Variants in LMO7 observed in about 807,000 individuals in gnomAD.
LMO7 encodes LIM domain 7, also known as LIM domain only protein 7.
LMO7 carries 120 observed loss-of-function variants against 206.5 expected under a neutral mutation model. That is an observed-to-expected ratio of 0.58 (90% CI 0.50 to 0.68). LMO7 has a LOEUF of 0.68. Among genes scored for constraint, LMO7 ranks in the 30% least tolerant of loss-of-function variants. LMO7 has a pLI of 0.00. For missense variants in LMO7, 1,959 were observed against 1,957.9 expected, an observed-to-expected ratio of 1.00 and a Z score of -0.01; for synonymous variants, 706 against 681.5, an observed-to-expected ratio of 1.04 and a Z score of -0.56.
intron 3 of LMO7, among the ~76,000 whole-genome samples, chr13:75,736,628 C>T (rs1021050761): frequency 5.9e-5 from 9 of 152,142 alleles, no homozygotes; most frequent in Admixed American, 2.0e-4. Context: ...GAAGGAGGGA[C>T]GACAAGGCAA....
At chr13:75,840,827 C>T (rs2059503069) in intron 22 of LMO7, among the ~76,000 whole-genome samples, 2 of 152,170 alleles carry the variant, frequency 1.3e-5, no homozygotes, top group South Asian at 2.1e-4. Context: ...ATTCAGCCCC[C>T]GCTTACAGTT....
intron 1 of LMO7, among the ~76,000 whole-genome samples, chr13:75,654,253 C>T (rs1339932683): frequency 6.6e-6 from 1 of 152,018 alleles, no homozygotes; most frequent in East Asian, 1.9e-4. Context: ...CCTGAATGGC[C>T]AAAAAGGTTT....
At chr13:75,669,830 A>G (rs2039395712) in intron 1 of LMO7, among the ~76,000 whole-genome samples, 1 of 151,714 alleles carries the variant, frequency 6.6e-6, no homozygotes, top group South Asian at 2.1e-4. Flanking sequence ...TTTTATTGTT[A>G]CTCTGCACAT....
intron 1 of LMO7, among the ~76,000 whole-genome samples, chr13:75,663,920 T>C (rs2038869035): frequency 6.6e-6 from 1 of 152,198 alleles, no homozygotes; most frequent in Non-Finnish European, 1.5e-5. Flanking sequence ...ATGTAATGTG[T>C]AATAATCACA....
At chr13:75,682,081 C>T (rs1250011237) in intron 1 of LMO7, among the ~76,000 whole-genome samples, 1 of 152,076 alleles carries the variant, frequency 6.6e-6, no homozygotes, top group Non-Finnish European at 1.5e-5. Context: ...ACATTGGCCA[C>T]AATGTTCTGC....
intron 3 of LMO7, among the ~76,000 whole-genome samples, chr13:75,748,904 G>A (rs1240991422): frequency 6.6e-6 from 1 of 150,612 alleles, no homozygotes; most frequent in Non-Finnish European, 1.5e-5. Flanking sequence ...TCCTCCTCCT[G>A]GGCTCCCAGT....
chr13:75,781,096 C>CTTTTTTTTTTTTTTTTTTTTTTT (rs367937964), intron 4 of LMO7, among the ~76,000 whole-genome samples: 10 of 41,926 alleles, frequency 2.4e-4, no homozygotes, highest in East Asian at 1.0e-3. Context: ...CTCTATTTTC[C>CTTTTTTTTTTTTTTTTTTTTTTT]TTTTTTTTTT....
intron 1 of LMO7, among the ~76,000 whole-genome samples, chr13:75,700,938 C>T (rs1566324947): frequency 6.6e-6 from 1 of 152,224 alleles, no homozygotes; most frequent in Non-Finnish European, 1.5e-5. Context: ...ACCATGGAAG[C>T]AGACCACTGT....
intron 27 of LMO7, among the ~76,000 whole-genome samples, chr13:75,850,414 A>G (rs1028497309): frequency 2.6e-5 from 4 of 152,208 alleles, no homozygotes; most frequent in African/African-American, 7.2e-5. Context: ...ATATATTTGG[A>G]TAAATATGCA....
chr13:75,659,982 G>C (rs544185744), intron 1 of LMO7, among the ~76,000 whole-genome samples: 6 of 152,216 alleles, frequency 3.9e-5, no homozygotes, highest in Admixed American at 3.9e-4. Flanking sequence ...TATTTCAGGG[G>C]AGTACAGATC....
chr13:75,805,729 A>G lies in LMO7; in HGVS notation c.1165A>G (p.Lys389Glu). ...NWKRIKRETY[K>E]PWYKEFQGFS... ...GAAAAGAATAAAAAGGGAAACTTAT[A>G]AGCCATGGTATAAAGAATTTCAGGG... Residue 389 changes from lysine to glutamate, a missense_variant, in exon 9 of 31, where the codon AAG (lysine) becomes GAG (glutamate). Coordinates refer to ENST00000377534, the MANE Select transcript of LMO7 (RefSeq NM_001306080.2). 1 of 1,613,972 alleles carries G rather than the reference A, an allele frequency of 6.2e-7. No homozygotes were observed.
At chr13:75,769,154 G>C (rs7329485) in intron 4 of LMO7, among the ~76,000 whole-genome samples, 1 of 151,994 alleles carries the variant, frequency 6.6e-6, no homozygotes, top group African/African-American at 2.4e-5. Flanking sequence ...ATGTTAAATA[G>C]AGTAGGCATG....
At chr13:75,834,544 C>A (rs1027313763) in intron 17 of LMO7, among the ~76,000 whole-genome samples, 157 bp downstream of exon 17, 2 of 148,956 alleles carry the variant, frequency 1.3e-5, no homozygotes, top group African/African-American at 4.8e-5. Context: ...TGAACCCTAC[C>A]CCTTTGAATA....
chr13:75,789,981 G>A (rs2053033268), intron 4 of LMO7, among the ~76,000 whole-genome samples: 1 of 152,104 alleles, frequency 6.6e-6, no homozygotes, highest in African/African-American at 2.4e-5. Flanking sequence ...GGATGTGTGG[G>A]GAGGGCTGGC....
At chr13:75,847,961 C>CTATT (rs78574463) in intron 26 of LMO7, among the ~76,000 whole-genome samples, 1 of 151,766 alleles carries the variant, frequency 6.6e-6, no homozygotes, top group African/African-American at 2.4e-5. Flanking sequence ...TATCCAGTCA[C>CTATT]TATTTATTTA....
At chr13:75,687,670 T>G (rs2041127614) in intron 1 of LMO7, among the ~76,000 whole-genome samples, 1 of 152,162 alleles carries the variant, frequency 6.6e-6, no homozygotes, top group Non-Finnish European at 1.5e-5. Flanking sequence ...TTTTACAATG[T>G]GACTGAAATA....
At chr13:75,641,236 A>G (rs896399895) in intron 1 of LMO7, among the ~76,000 whole-genome samples, 5 of 152,222 alleles carry the variant, frequency 3.3e-5, no homozygotes, top group African/African-American at 7.2e-5. Flanking sequence ...ATTTGAGCCG[A>G]GGCTGCAGTG....
At chr13:75,758,751 T>G (rs906808922) in intron 3 of LMO7, among the ~76,000 whole-genome samples, 4 of 152,228 alleles carry the variant, frequency 2.6e-5, no homozygotes, top group African/African-American at 9.6e-5. Flanking sequence ...GTATGAAATA[T>G]GTGAAGAATC....
Position 75,652,974 on chromosome 13 carries a change from C to T in LMO7, c.69+16248C>T, listed in dbSNP as rs537096715. Among the ~76,000 whole-genome samples the T allele has an allele frequency of 1.0e-3, 152 of 152,180 alleles. 1 individual carries two copies. In the South Asian group the frequency reaches 0.021, roughly 21 times the overall value. On this transcript the variant is annotated intron_variant, in intron 1 of 30. Coordinates refer to ENST00000377534, the MANE Select transcript of LMO7 (RefSeq NM_001306080.2). Reference sequence around the variant, plus strand: ...ATGTTCCAGTATCTGTACAAGTAGTCATGATAAACTTAGTCTTTCTAGAAG... The same window carrying T: ...ATGTTCCAGTATCTGTACAAGTAGTTATGATAAACTTAGTCTTTCTAGAAG...
Sources: allele counts gnomAD v4.1 joint callset (sites outside exome capture counted in the v4.1 genomes callset), GRCh38; gene constraint gnomAD v4.1.1; transcripts MANE v1.5; gene names NCBI Gene and HGNC (gene_info 2026-07-23, HGNC 2026-07-21).